The following MXI1 variants were observed in gnomAD, a reference collection of about 807,000 sequenced individuals.
The protein encoded by MXI1 is max-interacting protein 1.
A neutral mutation model predicts 36.9 loss-of-function variants in MXI1; 18 were observed. The ratio of observed to expected loss-of-function variants is 0.49; its 90% CI spans 0.34 to 0.72. The LOEUF is 0.72. MXI1 is among the 30% of genes least tolerant of loss of function. MXI1 has a pLI of 0.01. For synonymous variants in MXI1, 160 were observed against 146.7 expected (o/e 1.09, Z -0.65); for missense variants, 304 against 379.1 (o/e 0.80, Z 1.64).
intron 2 of MXI1, among the ~76,000 whole-genome samples, chr10:110,230,188 A>G (rs1300725809): frequency 6.6e-6 from 1 of 152,200 alleles, no homozygotes; most frequent in Non-Finnish European, 1.5e-5. Context: ...GCACATTCCT[A>G]AGTTTTATCA....
At chr10:110,238,556 A>C (rs2134379626) in intron 2 of MXI1, among the ~76,000 whole-genome samples, 1 of 152,268 alleles carries the variant, frequency 6.6e-6, no homozygotes, top group African/African-American at 2.4e-5. Context: ...TATCAGGCTA[A>C]TACTGGTCTC....
At chr10:110,226,060 G>C in intron 1 of MXI1, 1 of 1,004,380 alleles carries the variant, frequency 1.0e-6, no homozygotes, top group African/African-American at 1.7e-5. Flanking sequence ...GGGCGGCAGG[G>C]GCGGCGGAGA....
At chr10:110,274,745 C>T (rs1856970648) in intron 3 of MXI1, among the ~76,000 whole-genome samples, 1 of 152,058 alleles carries the variant, frequency 6.6e-6, no homozygotes, top group Non-Finnish European at 1.5e-5. Flanking sequence ...TCTTTCCCTT[C>T]TTTTACTAGA....
chr10:110,277,027 G>C (rs1857060264), intron 3 of MXI1, among the ~76,000 whole-genome samples: 1 of 151,954 alleles, frequency 6.6e-6, no homozygotes, highest in African/African-American at 2.4e-5. Context: ...TATATTTTTA[G>C]TAGAGATGAG....
intron 1 of MXI1, among the ~76,000 whole-genome samples, chr10:110,211,349 G>T (rs541072388): frequency 3.7e-4 from 57 of 152,298 alleles, no homozygotes; most frequent in South Asian, 1.9e-3. Context: ...GAGGCTGGGT[G>T]GGGGGTGGAG....
In MXI1 at chr10:110,285,917, C is replaced by A. The variant is rs1857417332; in HGVS notation, c.*930C>A. 6.6e-6 allele frequency: 1 copy of A among 152,366 alleles called. No individual in the cohort carries two copies. Among genetic ancestry groups the A allele is most frequent in the Admixed American group, 6.6e-5 (1 of 15,250 alleles). 9.4% of individuals were successfully genotyped at this position (152,366 alleles called of 1,614,324 possible). On this transcript the variant is annotated 3_prime_UTR_variant, in exon 6 of 6. Coordinates refer to ENST00000332674, the MANE Select transcript of MXI1 (RefSeq NM_130439.3). Reference sequence around the variant, plus strand: ...ATAACTGTTTATATGTGTTGAAAACCAAAATGACATCTTTTTAAAGCTTAT... The same window carrying A: ...ATAACTGTTTATATGTGTTGAAAACAAAAATGACATCTTTTTAAAGCTTAT...
Position 110,285,574 on chromosome 10 carries a change from A to G in MXI1, c.*587A>G, listed in dbSNP as rs1857409911. On this transcript the variant is annotated 3_prime_UTR_variant, in exon 6 of 6. Transcript: ENST00000332674. ...CTCATTTCATGCTCTGCAAAAGGAG[A>G]GACTCCCATGAAGCCTTTTGAAAGG... 6.6e-6 allele frequency: 1 copy of G among 151,850 alleles called. No homozygotes were observed. Among genetic ancestry groups the G allele is most frequent in the African/African-American group, 2.4e-5 (1 of 41,236 alleles). 9.4% of individuals were successfully genotyped at this position (151,850 alleles called of 1,614,324 possible).
chr10:110,215,596 G>C (rs1854617871), intron 1 of MXI1, among the ~76,000 whole-genome samples: 1 of 152,226 alleles, frequency 6.6e-6, no homozygotes, highest in Non-Finnish European at 1.5e-5. Flanking sequence ...TGCTCATAAA[G>C]TCAGCAATTT....
rs754963291 is a variant in MXI1, at chr10:110,261,429, A to ATTTTT, written c.437+16584_437+16588dup. On this transcript the variant is annotated intron_variant, in intron 3 of 5. Transcript: ENST00000332674. ...ATTTATCATAATGACTATTCAAACCATTTTTTTTTTTTTTTTAACCCCTCC... is the reference window on the plus strand; with the variant it reads ...ATTTATCATAATGACTATTCAAACCATTTTTTTTTTTTTTTTTTTTTAACCCCTCC... Among the ~76,000 whole-genome samples, 233 of 141,296 alleles carry ATTTTT rather than the reference A, an allele frequency of 1.6e-3. 2 individuals carry two copies. In the South Asian group the frequency reaches 0.017, roughly 10 times the overall value. The allele number at this position is 141,296 out of a possible 152,430, so 92.7% of individuals were successfully genotyped here.
chr10:110,267,376 CATA>C (rs2134443425), intron 3 of MXI1, among the ~76,000 whole-genome samples: 1 of 152,272 alleles, frequency 6.6e-6, no homozygotes, highest in Non-Finnish European at 1.5e-5. Flanking sequence ...GGACAGCCAT[CATA>C]GTTTTTTCTG....
intron 3 of MXI1, among the ~76,000 whole-genome samples, chr10:110,253,572 GT>G (rs1564717703): frequency 1.3e-5 from 2 of 152,188 alleles, no homozygotes; most frequent in South Asian, 2.1e-4. Context: ...AACAACATTG[GT>G]TTGACAGAAC....
chr10:110,269,884 C>T (rs751243103), intron 3 of MXI1, among the ~76,000 whole-genome samples: 20 of 152,116 alleles, frequency 1.3e-4, no homozygotes, highest in Non-Finnish European at 2.8e-4. Context: ...CCCCTTGGTA[C>T]CATTAAATCA....
intron 3 of MXI1, among the ~76,000 whole-genome samples, chr10:110,249,347 T>TA (rs11436693): frequency 0.24 from 37,132 of 151,952 alleles, 5,694 homozygotes; most frequent in African/African-American, 0.44. Flanking sequence ...ATCTTGGATA[T>TA]AAGCTTCTCT....
intron 3 of MXI1, chr10:110,245,637 G>A (rs1855834945): frequency 6.6e-6 from 1 of 152,106 alleles, no homozygotes; most frequent in Admixed American, 6.6e-5. Flanking sequence ...TGTCTACCAT[G>A]CCCAAGAGTT....
At chr10:110,242,370 A>C (rs556954232) in intron 2 of MXI1, among the ~76,000 whole-genome samples, 2 of 152,166 alleles carry the variant, frequency 1.3e-5, no homozygotes, top group South Asian at 4.1e-4. Context: ...TGAACACTGA[A>C]GGTACTCAGT....
At chr10:110,222,220 G>A (rs1258686639) in intron 1 of MXI1, among the ~76,000 whole-genome samples, 1 of 152,152 alleles carries the variant, frequency 6.6e-6, no homozygotes, top group Non-Finnish European at 1.5e-5. Context: ...CACCTCCCGT[G>A]TCCCCAGTGT....
intron 2 of MXI1, among the ~76,000 whole-genome samples, chr10:110,244,146 A>G (rs574129815): frequency 8.0e-4 from 122 of 152,244 alleles, no homozygotes; most frequent in Non-Finnish European, 1.5e-3. Flanking sequence ...AGAAGGTATC[A>G]TTTAAAACAA....
chr10:110,210,201 C>T lies in MXI1; in HGVS notation c.274+2119C>T, dbSNP rs1038138863. 190 of 973,080 alleles carry T rather than the reference C, an allele frequency of 2.0e-4. 1 individual carries two copies. The highest frequency in any genetic ancestry group is 5.2e-4 in the Middle Eastern group (1 of 1,916). The allele number at this position is 973,080 out of a possible 1,614,324, so 60.3% of individuals were successfully genotyped here. A position where few individuals can be genotyped will look rare whatever the true frequency, so the allele number is the denominator to read the frequency against. On this transcript the variant is annotated intron_variant, in intron 1 of 5. Transcript: ENST00000332674. ...TGGCGGCGTAACCGGGCTCCAGAGG[C>T]TGGTGAAGCCGAGGGGCTTCCTCCC... is the stretch of plus-strand genomic sequence containing the variant.
At chr10:110,243,649 A>G (rs1205222677) in intron 2 of MXI1, among the ~76,000 whole-genome samples, 1 of 152,146 alleles carries the variant, frequency 6.6e-6, no homozygotes, top group Non-Finnish European at 1.5e-5. Flanking sequence ...TGTTGTTGTT[A>G]ATGTTAAGTT....
Sources: gnomAD v4.1 joint callset for allele counts (sites outside exome capture counted in the v4.1 genomes callset) on GRCh38, gnomAD v4.1.1 for gene constraint, MANE v1.5 for transcripts, NCBI Gene and HGNC (gene_info 2026-07-23, HGNC 2026-07-21) for gene names.